Variants in SOX5 observed in about 807,000 individuals in gnomAD.
SOX5 encodes the protein transcription factor SOX-5.
SOX5 carries 9 observed loss-of-function variants against 92.0 expected under a neutral mutation model. The ratio of observed to expected loss-of-function variants is 0.10; its 90% CI spans 0.06 to 0.17. The LOEUF (loss-of-function observed/expected upper bound fraction) is 0.17, where lower values mean the gene tolerates loss of function less well. SOX5 is among the 10% of genes least tolerant of loss of function. The pLI, the probability that SOX5 is intolerant of heterozygous loss-of-function variation, is 1.00. For missense variants in SOX5, 642 were observed against 944.5 expected, an observed-to-expected ratio of 0.68 and a Z score of 4.20; for synonymous variants, 344 against 336.3, an observed-to-expected ratio of 1.02 and a Z score of -0.25.
At chr12:23,848,831 T>C (rs1390705995) in intron 2 of SOX5, among the ~76,000 whole-genome samples, 2 of 152,218 alleles carry the variant, frequency 1.3e-5, no homozygotes, top group Non-Finnish European at 2.9e-5. Context: ...AACTGTGATA[T>C]ACGACCTCTA....
chr12:24,029,951 T>G (rs1955298426), intron 4 of SOX5, among the ~76,000 whole-genome samples: 1 of 152,006 alleles, frequency 6.6e-6, no homozygotes, highest in South Asian at 2.1e-4. Context: ...CCAGGCTCAG[T>G]TCTCACTGCT....
intron 11 of SOX5, among the ~76,000 whole-genome samples, chr12:23,551,396 C>T (rs1345150151): frequency 1.1e-4 from 17 of 151,802 alleles, no homozygotes; most frequent in Non-Finnish European, 1.9e-4. Context: ...ATTAATATCT[C>T]AATTTTTTTA....
chr12:23,962,900 G>A lies in SOX5; in HGVS notation c.-1-66876C>T, dbSNP rs567766531. Reference sequence around the variant, plus strand: ...AAGGGCTGAACTTCATAAGCAACCCGAACATTTTGATTCACTGAAAAAAAC... The same window carrying A: ...AAGGGCTGAACTTCATAAGCAACCCAAACATTTTGATTCACTGAAAAAAAC... On this transcript the variant is annotated intron_variant, in intron 4 of 4. Coordinates refer to the SOX5 transcript ENST00000446891. Among the ~76,000 whole-genome samples the A allele has an allele frequency of 1.6e-3, 249 of 152,064 alleles. 1 individual carries two copies. Among genetic ancestry groups the A allele is most frequent in the African/African-American group, 5.7e-3 (236 of 41,480 alleles).
chr12:23,864,935 C>A (rs2096794962), intron 2 of SOX5, among the ~76,000 whole-genome samples: 1 of 152,174 alleles, frequency 6.6e-6, no homozygotes, highest in Non-Finnish European at 1.5e-5. Context: ...CTAAGACTTT[C>A]ATAGTGAGAA....
chr12:23,780,314 G>T (rs555793455), intron 3 of SOX5, among the ~76,000 whole-genome samples: 2 of 151,646 alleles, frequency 1.3e-5, no homozygotes, highest in Non-Finnish European at 2.9e-5. Flanking sequence ...AAGGAGAACC[G>T]GTAAGTCAAA....
intron 2 of SOX5, among the ~76,000 whole-genome samples, chr12:23,880,137 A>C (rs1420299735): frequency 6.6e-6 from 1 of 152,160 alleles, no homozygotes; most frequent in Non-Finnish European, 1.5e-5. Context: ...AAAGAATATA[A>C]TCAAAGCTGT....
chr12:23,893,400 C>T (rs976394687), intron 2 of SOX5, among the ~76,000 whole-genome samples: 16 of 151,736 alleles, frequency 1.1e-4, no homozygotes, highest in South Asian at 2.1e-4. Context: ...GAGCTGAGAT[C>T]GCGCCACTGC....
At chr12:24,330,612 C>A (rs896115878) in intron 2 of SOX5, among the ~76,000 whole-genome samples, 6 of 152,188 alleles carry the variant, frequency 3.9e-5, no homozygotes, top group Non-Finnish European at 8.8e-5. Flanking sequence ...ATCTACCAGG[C>A]CCCACTTAAA....
Position 24,437,428 on chromosome 12 carries a change from A to G in SOX5, c.-250-68789T>C, listed in dbSNP as rs575810207. ...AGGCATGGACAAAGACTTCATGACTAAAACACCAAAAGCAATGGCAACAAA... is the reference window on the plus strand; with the variant it reads ...AGGCATGGACAAAGACTTCATGACTGAAACACCAAAAGCAATGGCAACAAA... On this transcript the variant is annotated intron_variant, in intron 1 of 4. Coordinates refer to the SOX5 transcript ENST00000446891. Among the ~76,000 whole-genome samples, 5 of 152,368 alleles carry G rather than the reference A, an allele frequency of 3.3e-5. No individual in the cohort carries two copies. The East Asian group carries it at 7.7e-4, about 24-fold the overall frequency.
At chr12:23,926,103 C>CTTTAA (rs1939856781) in intron 1 of SOX5, among the ~76,000 whole-genome samples, 1 of 152,034 alleles carries the variant, frequency 6.6e-6, no homozygotes, top group Non-Finnish European at 1.5e-5. Context: ...TAATTGCTAA[C>CTTTAA]TGGCTCATAT....
At chr12:23,868,908 T>C (rs1443660738) in intron 2 of SOX5, among the ~76,000 whole-genome samples, 16 of 152,124 alleles carry the variant, frequency 1.1e-4, no homozygotes, top group Non-Finnish European at 7.4e-5. Context: ...CCTCAACAAC[T>C]GTAGATTATA....
chr12:24,056,516 T>A (rs1049868614), intron 4 of SOX5, among the ~76,000 whole-genome samples: 3 of 152,310 alleles, frequency 2.0e-5, no homozygotes, highest in Admixed American at 2.0e-4. Flanking sequence ...TATTTCTCCA[T>A]CATGCCACCT....
intron 6 of SOX5, among the ~76,000 whole-genome samples, chr12:23,730,218 A>G (rs2093340139): frequency 1.4e-5 from 2 of 144,672 alleles, no homozygotes; most frequent in East Asian, 1.9e-4. Flanking sequence ...AGTAAGAGGG[A>G]AAAAAAAGAG....
chr12:24,361,186 G>C (rs1213684911), intron 2 of SOX5, among the ~76,000 whole-genome samples: 1 of 152,132 alleles, frequency 6.6e-6, no homozygotes, highest in Non-Finnish European at 1.5e-5. Context: ...CATGGCCTGA[G>C]AGAGGAAATT....
chr12:24,184,338 A>G (rs1187468879), intron 4 of SOX5, among the ~76,000 whole-genome samples: 2 of 152,206 alleles, frequency 1.3e-5, no homozygotes, highest in South Asian at 2.1e-4. Context: ...ATTACACTAG[A>G]TGATAGAATC....
chr12:23,597,498 C>T (rs1952671068), intron 9 of SOX5, among the ~76,000 whole-genome samples: 1 of 152,172 alleles, frequency 6.6e-6, no homozygotes, highest in African/African-American at 2.4e-5. Context: ...GGAGGCTCAT[C>T]ACAGGGGTTC....
intron 4 of SOX5, among the ~76,000 whole-genome samples, chr12:24,202,474 G>T (rs1957618350): frequency 6.6e-6 from 1 of 152,072 alleles, no homozygotes; most frequent in Admixed American, 6.6e-5. Context: ...AAAACCAAAA[G>T]ATTAACATTG....
chr12:23,694,555 C>G (rs980252218), intron 6 of SOX5, among the ~76,000 whole-genome samples: 1 of 152,000 alleles, frequency 6.6e-6, no homozygotes, highest in African/African-American at 2.4e-5. Context: ...TTGGAGTCAG[C>G]TTTACAGAGG....
Position 24,376,689 on chromosome 12 carries a change from C to CTTTTTTTTTTTTTTTTTTT in SOX5, c.-250-8051_-250-8050insAAAAAAAAAAAAAAAAAAA, listed in dbSNP as rs1480014070. Among the ~76,000 whole-genome samples, 4 of 93,082 alleles carry CTTTTTTTTTTTTTTTTTTT rather than the reference C, an allele frequency of 4.3e-5. 1 individual carries two copies. The highest frequency in any genetic ancestry group is 6.2e-5 in the Non-Finnish European group (3 of 48,070). 61.1% of individuals were successfully genotyped at this position (93,082 alleles called of 152,430 possible). ...TCAGAATGATGCTATGGGAGAGATA[C>CTTTTTTTTTTTTTTTTTTT]CTTTTTTTTTTTTTTTTTTTTTTTT... On this transcript the variant is annotated intron_variant, in intron 1 of 4. Coordinates refer to the SOX5 transcript ENST00000446891.
Sources: allele counts gnomAD v4.1 joint callset (sites outside exome capture counted in the v4.1 genomes callset), GRCh38; gene constraint gnomAD v4.1.1; transcripts MANE v1.5; gene names NCBI Gene and HGNC (gene_info 2026-07-23, HGNC 2026-07-21).